Variants in PPP2R2B observed in about 807,000 individuals in gnomAD.
PPP2R2B encodes the protein serine/threonine-protein phosphatase 2A 55 kDa regulatory subunit B beta isoform.
A neutral mutation model predicts 46.0 loss-of-function variants in PPP2R2B; 5 were observed. That is an observed-to-expected ratio of 0.11 (90% CI 0.06 to 0.23). The LOEUF (loss-of-function observed/expected upper bound fraction) is 0.23, where lower values mean the gene tolerates loss of function less well. PPP2R2B is among the 10% of genes least tolerant of loss of function. PPP2R2B has a pLI of 1.00. For synonymous variants in PPP2R2B, 215 were observed against 206.7 expected, an observed-to-expected ratio of 1.04 and a Z score of -0.34; for missense variants, 367 against 575.0, an observed-to-expected ratio of 0.64 and a Z score of 3.70.
intron 2 of PPP2R2B, among the ~76,000 whole-genome samples, chr5:147,071,239 G>A (rs1757585338): frequency 6.6e-6 from 1 of 152,274 alleles, no homozygotes; most frequent in African/African-American, 2.4e-5. Context: ...TCTATGCTGT[G>A]CTTCACCTAG....
chr5:146,993,034 C>T (rs2151863103), intron 1 of PPP2R2B, among the ~76,000 whole-genome samples: 1 of 152,108 alleles, frequency 6.6e-6, no homozygotes. Context: ...CCTCCGCCTC[C>T]CAGGTTCAAG....
intron 2 of PPP2R2B, chr5:146,706,442 C>G: frequency 1.9e-6 from 2 of 1,058,482 alleles, no homozygotes; most frequent in Non-Finnish European, 2.8e-6. Flanking sequence ...CTCCATCTTC[C>G]AGCAGCTTCC....
At chr5:146,905,938 G>A (rs1282358407) in intron 1 of PPP2R2B, among the ~76,000 whole-genome samples, 8 of 152,008 alleles carry the variant, frequency 5.3e-5, no homozygotes, top group African/African-American at 1.9e-4. Flanking sequence ...GCCACATGTA[G>A]CTACTGAAAT....
chr5:146,878,689 CA>C lies in PPP2R2B; in HGVS notation c.-224del. 7.7e-7 allele frequency: 1 copy of C among 1,292,936 alleles called. No homozygotes were observed. Among genetic ancestry groups the C allele is most frequent in the Non-Finnish European group, 1.0e-6 (1 of 993,030 alleles). The allele number at this position is 1,292,936 out of a possible 1,614,324, so 80.1% of individuals were successfully genotyped here. ...CTGGGCAGGGCGCTGCAGCCGGCGC[CA>C]GCGCACTCACCCTCACACCCACACG... On this transcript the variant is annotated 5_prime_UTR_variant, in exon 1 of 10. Coordinates refer to ENST00000394411, the MANE Select transcript of PPP2R2B (RefSeq NM_181675.4). The surrounding 1 kb of genome is among the most constrained non-coding windows in gnomAD (Gnocchi z 4.5).
At chr5:146,868,606 T>G (rs1387352972) in intron 2 of PPP2R2B, among the ~76,000 whole-genome samples, 1 of 152,098 alleles carries the variant, frequency 6.6e-6, no homozygotes, top group African/African-American at 2.4e-5. Context: ...GTAGCAGGAC[T>G]GGAATCCTAC....
intron 1 of PPP2R2B, among the ~76,000 whole-genome samples, chr5:146,909,687 CCT>C (rs900822591): frequency 6.6e-6 from 1 of 152,178 alleles, no homozygotes; most frequent in Non-Finnish European, 1.5e-5. Flanking sequence ...GCCCGCATGT[CCT>C]CTGTGTCACA....
intron 2 of PPP2R2B, among the ~76,000 whole-genome samples, chr5:146,798,512 C>A (rs1352185088): frequency 6.6e-6 from 1 of 152,186 alleles, no homozygotes; most frequent in Admixed American, 6.5e-5. Flanking sequence ...GAGCCTAGAG[C>A]AGGAGCTTAA....
chr5:146,845,728 T>G (rs946759879), intron 2 of PPP2R2B, among the ~76,000 whole-genome samples: 1 of 152,200 alleles, frequency 6.6e-6, no homozygotes, highest in South Asian at 2.1e-4. Flanking sequence ...AAAATATACA[T>G]GGAGTGAAAT....
chr5:146,661,252 A>C (rs2151108166), intron 5 of PPP2R2B, among the ~76,000 whole-genome samples: 1 of 152,262 alleles, frequency 6.6e-6, no homozygotes, highest in African/African-American at 2.4e-5. Flanking sequence ...TCCTGAAACA[A>C]AAAATTATCT....
intron 1 of PPP2R2B, among the ~76,000 whole-genome samples, chr5:146,996,373 C>T (rs995699155): frequency 6.6e-6 from 1 of 152,036 alleles, no homozygotes; most frequent in African/African-American, 2.4e-5. Context: ...TAATTAGGTT[C>T]TTCTAAGTCG....
intron 2 of PPP2R2B, among the ~76,000 whole-genome samples, chr5:146,750,925 T>C (rs1218131226): frequency 1.3e-5 from 2 of 152,114 alleles, no homozygotes; most frequent in South Asian, 2.1e-4. Context: ...TCAGGGAACA[T>C]ACACTCCAGC....
At chr5:146,729,057 GAA>G (rs886539383) in intron 2 of PPP2R2B, among the ~76,000 whole-genome samples, 5 of 152,168 alleles carry the variant, frequency 3.3e-5, no homozygotes, top group African/African-American at 1.2e-4. Flanking sequence ...GAAAATGTGG[GAA>G]AGTTTGGAAC....
At chr5:146,628,165 G>A (rs1292406121) in intron 7 of PPP2R2B, among the ~76,000 whole-genome samples, 1 of 152,002 alleles carries the variant, frequency 6.6e-6, no homozygotes, top group Non-Finnish European at 1.5e-5. Context: ...GGCTGGTCTC[G>A]AACTCCTGAC....
chr5:147,041,969 G>GC (rs1296283828), intron 1 of PPP2R2B, among the ~76,000 whole-genome samples: 2 of 151,926 alleles, frequency 1.3e-5, no homozygotes, highest in African/African-American at 4.8e-5. Context: ...TTCACTGGCA[G>GC]CCCCTTCCTC....
At chr5:147,059,486 T>C (rs553888450), upstream of PPP2R2B, among the ~76,000 whole-genome samples, 1 of 151,848 alleles carries the variant, frequency 6.6e-6, no homozygotes, top group Non-Finnish European at 1.5e-5. Flanking sequence ...GGTGTCATTA[T>C]AAGGAGAAGG....
At chr5:146,808,994 T>TGC (rs1412776680) in intron 2 of PPP2R2B, among the ~76,000 whole-genome samples, 4,060 of 134,434 alleles carry the variant, frequency 0.03, 140 homozygotes, top group African/African-American at 0.078. Context: ...TGTGTGTGTG[T>TGC]GCGCGCGCAC....
Position 146,790,113 on chromosome 5 carries a change from C to A in PPP2R2B, c.70+87889G>T, listed in dbSNP as rs74666462. Among the ~76,000 whole-genome samples the A allele has an allele frequency of 1.8e-3, 270 of 152,274 alleles. 4 individuals carry two copies. Among genetic ancestry groups the A allele is most frequent in the East Asian group, 8.1e-3 (42 of 5,174 alleles). ...TAATGTAGTCTAGTTAATTGCCCTT[C>A]GGGACTGCTCTGTGTATGAATGTAA... On this transcript the variant is annotated intron_variant, in intron 2 of 9. Transcript: ENST00000394411.
intron 2 of PPP2R2B, among the ~76,000 whole-genome samples, chr5:146,749,117 A>G (rs922305088): frequency 6.6e-6 from 1 of 152,196 alleles, no homozygotes; most frequent in Non-Finnish European, 1.5e-5. Flanking sequence ...ATAGATATGT[A>G]TCTCATTGTG....
intron 1 of PPP2R2B, among the ~76,000 whole-genome samples, chr5:146,894,671 C>T (rs1762591090): frequency 6.6e-6 from 1 of 152,134 alleles, no homozygotes; most frequent in African/African-American, 2.4e-5. Flanking sequence ...AACTCCAGGG[C>T]TCAAGTGATC....
Sources: allele counts gnomAD v4.1 joint callset (sites outside exome capture counted in the v4.1 genomes callset), GRCh38; gene constraint gnomAD v4.1.1; non-coding constraint Gnocchi (gnomAD v3.1); transcripts MANE v1.5; gene names NCBI Gene and HGNC (gene_info 2026-07-23, HGNC 2026-07-21).